PBX1: variants seen among roughly 807,000 people sequenced by gnomAD.
The protein encoded by PBX1 is pre-B-cell leukemia transcription factor 1.
Under a neutral mutation model 53.4 loss-of-function variants are expected in PBX1, and 6 were observed. The ratio of observed to expected loss-of-function variants is 0.11; its 90% CI spans 0.06 to 0.22. The LOEUF (loss-of-function observed/expected upper bound fraction) is 0.22, where lower values mean the gene tolerates loss of function less well. PBX1 is among the 10% of genes least tolerant of loss of function. PBX1 has a pLI of 1.00. For synonymous variants in PBX1, 204 were observed against 212.3 expected (o/e 0.96, Z 0.34); for missense variants, 251 against 551.4 (o/e 0.46, Z 5.46).
intron 2 of PBX1, among the ~76,000 whole-genome samples, chr1:164,872,767 G>T (rs562386748): frequency 3.9e-5 from 6 of 152,276 alleles, no homozygotes; most frequent in Admixed American, 2.6e-4. Context: ...TCCCCACTGG[G>T]CATTTGTGCA....
At chr1:164,565,454 A>C (rs1027369699) in intron 2 of PBX1, among the ~76,000 whole-genome samples, 3 of 125,900 alleles carry the variant, frequency 2.4e-5, no homozygotes, top group Non-Finnish European at 5.0e-5. Context: ...CACACACACA[A>C]GTCTTGGATT....
At chr1:164,716,913 T>G (rs1017536458) in intron 2 of PBX1, among the ~76,000 whole-genome samples, 3 of 152,160 alleles carry the variant, frequency 2.0e-5, no homozygotes, top group Non-Finnish European at 4.4e-5. Flanking sequence ...ACAGACAATA[T>G]GCAGTTTCGG....
At chr1:164,748,674 G>A (rs1372977046) in intron 2 of PBX1, among the ~76,000 whole-genome samples, 1 of 152,190 alleles carries the variant, frequency 6.6e-6, no homozygotes, top group Non-Finnish European at 1.5e-5. Context: ...GAATTCAGAG[G>A]AAGCTTTCCT....
intron 2 of PBX1, among the ~76,000 whole-genome samples, chr1:164,638,049 C>A (rs1617837): frequency 0.44 from 67,232 of 152,078 alleles, 15,035 homozygotes; most frequent in South Asian, 0.52. Flanking sequence ...AATGTTTATA[C>A]GTTCCTTCGA....
chr1:164,778,576 G>A (rs1667779247), intron 2 of PBX1, among the ~76,000 whole-genome samples: 1 of 151,150 alleles, frequency 6.6e-6, no homozygotes, highest in African/African-American at 2.4e-5. Context: ...GGTCGAGGCT[G>A]CAATGAGCTG....
chr1:164,644,176 C>A (rs183315537), intron 2 of PBX1, among the ~76,000 whole-genome samples: 1 of 152,274 alleles, frequency 6.6e-6, no homozygotes, highest in East Asian at 1.9e-4. Flanking sequence ...TTCTGGTTTT[C>A]ATTTCATACA....
At position 164,873,529 on chromosome 1, in the gene PBX1, G is replaced by C. The variant is rs994810827; in HGVS notation, n.258-25659G>C. On this transcript the variant is annotated intron_variant and non_coding_transcript_variant, in intron 2 of 2. Coordinates refer to the PBX1 transcript ENST00000558796. The stretch of plus-strand genomic sequence containing the variant: ...ACATGCTCTGAAGCCCTTGTTTAAA[G>C]AATTGAGTCTAGACTCTTGCCCAAG... Among the ~76,000 whole-genome samples, 3 of 152,280 alleles carry C rather than the reference G, an allele frequency of 2.0e-5. No homozygotes were observed. In the East Asian group the frequency reaches 5.8e-4, roughly 29 times the overall value.
chr1:164,682,539 A>G (rs1041534522), intron 2 of PBX1: 1 of 152,126 alleles, frequency 6.6e-6, no homozygotes, highest in Non-Finnish European at 1.5e-5. Flanking sequence ...TTAGTCATTT[A>G]ATAGTTGCTG....
rs146049929 is a variant in PBX1, at chr1:164,849,697, G to A, written c.*3021G>A. 5.8e-4 allele frequency: 203 copies of A among 348,228 alleles called. 1 individual carries two copies. The highest frequency in any genetic ancestry group is 2.5e-3 in the African/African-American group (124 of 48,946). The allele number at this position is 348,228 out of a possible 1,614,324, so 21.6% of individuals were successfully genotyped here. ...ATCCTCCCTCTGGCATGGAATTGAC[G>A]CCCGTGCAGTACATTTGCCAAGTGG... is the stretch of plus-strand genomic sequence containing the variant. On this transcript the variant is annotated 3_prime_UTR_variant, in exon 9 of 9. Coordinates refer to ENST00000420696, the MANE Select transcript of PBX1 (RefSeq NM_002585.4).
At chr1:164,807,144 C>T (rs1363017605) in intron 4 of PBX1, among the ~76,000 whole-genome samples, 1 of 152,122 alleles carries the variant, frequency 6.6e-6, no homozygotes, top group African/African-American at 2.4e-5. Context: ...GTAATCCCAG[C>T]TACTCAAGAG....
chr1:164,741,419 A>G (rs955128164), intron 2 of PBX1, among the ~76,000 whole-genome samples: 1 of 152,244 alleles, frequency 6.6e-6, no homozygotes, highest in Non-Finnish European at 1.5e-5. Flanking sequence ...AAGCAGCCAG[A>G]AAGGTCTTTT....
intron 8 of PBX1, among the ~76,000 whole-genome samples, chr1:164,825,561 T>G (rs959280367): frequency 1.3e-5 from 2 of 152,210 alleles, no homozygotes; most frequent in South Asian, 2.1e-4. Flanking sequence ...TAAATGCTTA[T>G]CCACAATTAT....
chr1:164,820,304 T>G lies in PBX1; in HGVS notation c.1110+120T>G, dbSNP rs535525858. On this transcript the variant is annotated intron_variant, in intron 7 of 8. Coordinates refer to ENST00000420696, the MANE Select transcript of PBX1 (RefSeq NM_002585.4). Reference sequence around the variant, plus strand: ...GAAAAACAGATCAGAACCAAAACCTTACCAACGACCGAACCAAAATCAAGA... The same window carrying G: ...GAAAAACAGATCAGAACCAAAACCTGACCAACGACCGAACCAAAATCAAGA... 12 of 616,352 alleles carry G rather than the reference T, an allele frequency of 1.9e-5. 1 individual carries two copies. In the East Asian group the frequency reaches 3.3e-4, roughly 17 times the overall value. The allele number at this position is 616,352 out of a possible 1,614,324, so 38.2% of individuals were successfully genotyped here.
intron 2 of PBX1, among the ~76,000 whole-genome samples, chr1:164,695,294 C>T (rs1397069565): frequency 2.0e-5 from 3 of 152,162 alleles, no homozygotes; most frequent in Non-Finnish European, 1.5e-5. Flanking sequence ...ATCTAAACTC[C>T]TTTGCATAAC....
chr1:164,569,096 G>C (rs997759132), intron 2 of PBX1, among the ~76,000 whole-genome samples: 1 of 152,206 alleles, frequency 6.6e-6, no homozygotes, highest in Non-Finnish European at 1.5e-5. Context: ...CTCACACTCT[G>C]TGCTAGTTCT....
At position 164,559,453 on chromosome 1, in the gene PBX1, G is replaced by T. The variant is rs1281974824; in HGVS notation, c.-370G>T. 3.8e-6 allele frequency: 1 copy of T among 261,216 alleles called. No homozygotes were observed. Among genetic ancestry groups the T allele is most frequent in the Non-Finnish European group, 7.2e-6 (1 of 137,978 alleles). 16.2% of individuals were successfully genotyped at this position (261,216 alleles called of 1,614,324 possible). On this transcript the variant is annotated 5_prime_UTR_variant, in exon 1 of 9. Coordinates refer to ENST00000420696, the MANE Select transcript of PBX1 (RefSeq NM_002585.4). ...TAAGCCACAGATTTAAGCGCCGGGA[G>T]CCCATTTCTGCCTTGCAAAGGAGAC...
chr1:164,870,942 C>A (rs534175156), intron 2 of PBX1, among the ~76,000 whole-genome samples: 6 of 152,036 alleles, frequency 3.9e-5, no homozygotes, highest in Non-Finnish European at 7.4e-5. Context: ...TCTTAAATCC[C>A]ACCCCCACTC....
intron 2 of PBX1, among the ~76,000 whole-genome samples, chr1:164,765,057 C>A (rs533102727): frequency 6.6e-6 from 1 of 152,322 alleles, no homozygotes; most frequent in East Asian, 1.9e-4. Context: ...CCTCCACCCT[C>A]ACCTTTCCAG....
chr1:164,834,049 G>A (rs1436464903), intron 8 of PBX1, among the ~76,000 whole-genome samples: 1 of 148,562 alleles, frequency 6.7e-6, no homozygotes, highest in Admixed American at 6.6e-5. Flanking sequence ...GTGTGTGTGT[G>A]TGTGTGTGTG....
Sources: allele counts gnomAD v4.1 joint callset (sites outside exome capture counted in the v4.1 genomes callset), GRCh38; gene constraint gnomAD v4.1.1; transcripts MANE v1.5; gene names NCBI Gene and HGNC (gene_info 2026-07-23, HGNC 2026-07-21).